SYT1: variants seen among roughly 807,000 people sequenced by gnomAD.
SYT1 encodes synaptotagmin 1, also known as synaptotagmin-1.
A neutral mutation model predicts 44.8 loss-of-function variants in SYT1; 8 were observed. The ratio of observed to expected loss-of-function variants is 0.18; its 90% CI spans 0.10 to 0.32. The LOEUF (loss-of-function observed/expected upper bound fraction) is 0.32. SYT1 is among the 10% of genes least tolerant of loss of function. SYT1 has a pLI of 1.00. For missense variants in SYT1, 286 were observed against 509.3 expected (o/e 0.56, Z 4.22); for synonymous variants, 154 against 188.8 (o/e 0.82, Z 1.51).
intron 9 of SYT1, among the ~76,000 whole-genome samples, chr12:79,377,379 AGGATTAC>A: frequency 6.6e-6 from 1 of 152,262 alleles, no homozygotes; most frequent in East Asian, 1.9e-4. Flanking sequence ...CCAAAGTTCT[AGGATTAC>A]GGTAACATGT....
At chr12:78,901,437 T>C (rs527637641) in intron 1 of SYT1, among the ~76,000 whole-genome samples, 1 of 152,222 alleles carries the variant, frequency 6.6e-6, no homozygotes, top group Non-Finnish European at 1.5e-5. Context: ...CCCTGAGAAG[T>C]TCAAAAGGGA....
intron 8 of SYT1, among the ~76,000 whole-genome samples, chr12:79,315,897 T>C (rs1338258007): frequency 6.6e-6 from 1 of 152,230 alleles, no homozygotes; most frequent in Admixed American, 6.5e-5. Context: ...ATTCTCCTGA[T>C]GTAAAAACAA....
chr12:79,381,680 G>T (rs1884228913), intron 9 of SYT1, among the ~76,000 whole-genome samples: 1 of 152,174 alleles, frequency 6.6e-6, no homozygotes, highest in Admixed American at 6.5e-5. Context: ...GAAATTCCAG[G>T]TCTGCTGTGT....
rs531597535 is a variant in SYT1, at chr12:79,027,724, G to A, written c.-83-19573G>A. Among the ~76,000 whole-genome samples, 19 of 151,470 alleles carry A rather than the reference G, an allele frequency of 1.3e-4. No individual in the cohort carries two copies. The South Asian group carries it at 3.1e-3, about 25-fold the overall frequency. On this transcript the variant is annotated intron_variant, in intron 2 of 10. Transcript: ENST00000261205. ...AATATTCTATGGATATTTTAATGTG[G>A]AACAATAGAAATAATTTATTTAAAA...
intron 8 of SYT1, among the ~76,000 whole-genome samples, chr12:79,321,447 T>C (rs1300385583): frequency 1.3e-5 from 2 of 152,190 alleles, no homozygotes; most frequent in African/African-American, 4.8e-5. Flanking sequence ...GAAGGTTTCC[T>C]GAAAAAGTGA....
chr12:79,297,663 T>C (rs1879939043), intron 7 of SYT1, among the ~76,000 whole-genome samples: 1 of 152,166 alleles, frequency 6.6e-6, no homozygotes, highest in Non-Finnish European at 1.5e-5. Context: ...TTGATCAAAC[T>C]ATACATAAAT....
At chr12:79,419,267 A>G (rs767091047) in intron 9 of SYT1, 5 of 526,700 alleles carry the variant, frequency 9.5e-6, no homozygotes, top group Non-Finnish European at 1.2e-5. Flanking sequence ...AGAAAGAAGG[A>G]AATTGAATTC....
intron 1 of SYT1, among the ~76,000 whole-genome samples, chr12:78,888,195 G>T (rs756315675): frequency 1.5e-4 from 22 of 151,722 alleles, no homozygotes; most frequent in African/African-American, 5.3e-4. Context: ...ATGAGGTATT[G>T]TAGGTATTGG....
chr12:78,936,199 T>C (rs1263847906), intron 1 of SYT1, among the ~76,000 whole-genome samples: 4 of 151,298 alleles, frequency 2.6e-5, no homozygotes, highest in Non-Finnish European at 4.4e-5. Flanking sequence ...GTAGGAAAGG[T>C]TAACCGATGA....
intron 4 of SYT1, among the ~76,000 whole-genome samples, chr12:79,241,863 G>A (rs1382393882): frequency 6.6e-6 from 1 of 152,138 alleles, no homozygotes; most frequent in East Asian, 1.9e-4. Flanking sequence ...TCATACCGAA[G>A]TAATGCCTTA....
At chr12:79,353,027 T>C (rs1194066736) in intron 8 of SYT1, among the ~76,000 whole-genome samples, 1 of 152,194 alleles carries the variant, frequency 6.6e-6, no homozygotes, top group Non-Finnish European at 1.5e-5. Context: ...GACACACAAA[T>C]GCAAGTCCTT....
intron 3 of SYT1, among the ~76,000 whole-genome samples, chr12:79,203,670 A>G (rs1447862079): frequency 1.3e-5 from 2 of 152,196 alleles, no homozygotes; most frequent in African/African-American, 2.4e-5. Context: ...AAAGGAAGGA[A>G]TAGCTGTTAG....
At chr12:78,989,934 A>C (rs1869905769) in intron 2 of SYT1, among the ~76,000 whole-genome samples, 1 of 152,112 alleles carries the variant, frequency 6.6e-6, no homozygotes, top group African/African-American at 2.4e-5. Flanking sequence ...TCTCTGTATA[A>C]AACTCTATGT....
At chr12:79,211,848 G>C (rs1874477327) in intron 3 of SYT1, among the ~76,000 whole-genome samples, 1 of 151,908 alleles carries the variant, frequency 6.6e-6, no homozygotes, top group South Asian at 2.1e-4. Context: ...CTGTTAGTTT[G>C]GTATCTATAA....
At chr12:79,411,170 A>G (rs1377653511) in intron 9 of SYT1, among the ~76,000 whole-genome samples, 1 of 152,224 alleles carries the variant, frequency 6.6e-6, no homozygotes, top group Non-Finnish European at 1.5e-5. Flanking sequence ...AAGGAACCTA[A>G]GCTGCCGTCT....
intron 2 of SYT1, among the ~76,000 whole-genome samples, chr12:79,040,230 G>A (rs1406285288): frequency 2.7e-5 from 4 of 150,794 alleles, no homozygotes; most frequent in African/African-American, 7.3e-5. Context: ...CTAGTTTACA[G>A]TCCCACCAAC....
chr12:78,865,185 T>A (rs1229672226), intron 1 of SYT1, 76 bp downstream of exon 1: 1 of 152,152 alleles, frequency 6.6e-6, no homozygotes, highest in Non-Finnish European at 1.5e-5. Context: ...GATTTTCTTC[T>A]CGATACACTT....
At chr12:78,932,676 G>A (rs1877819667) in intron 1 of SYT1, among the ~76,000 whole-genome samples, 1 of 151,802 alleles carries the variant, frequency 6.6e-6, no homozygotes, top group Admixed American at 6.6e-5. Context: ...GACTCTCCTT[G>A]TAATTTTATT....
chr12:79,379,433 T>C (rs1884129907), intron 9 of SYT1, among the ~76,000 whole-genome samples: 1 of 152,150 alleles, frequency 6.6e-6, no homozygotes, highest in Admixed American at 6.5e-5. Context: ...CTGAGAACCC[T>C]GAAAATACAT....
Sources: gnomAD v4.1 joint callset for allele counts (sites outside exome capture counted in the v4.1 genomes callset) on GRCh38, gnomAD v4.1.1 for gene constraint, MANE v1.5 for transcripts, NCBI Gene and HGNC (gene_info 2026-07-23, HGNC 2026-07-21) for gene names.